AGPAT5: variants seen among roughly 807,000 people sequenced by gnomAD.
The protein encoded by AGPAT5 is 1-acylglycerol-3-phosphate O-acyltransferase 5.
In AGPAT5, 46 loss-of-function variants were observed where a neutral mutation model predicts 45.6. That is an observed-to-expected ratio of 1.01 (90% CI 0.80 to 1.29). The LOEUF is 1.29. Ranked by LOEUF, AGPAT5 falls within the 50% of genes most tolerant of loss-of-function variation. The pLI, the probability that AGPAT5 is intolerant of heterozygous loss-of-function variation, is 0.00. For synonymous variants in AGPAT5, 272 were observed against 167.0 expected, an observed-to-expected ratio of 1.63 and a Z score of -4.85; for missense variants, 673 against 450.7, an observed-to-expected ratio of 1.49 and a Z score of -4.47.
At chr8:6,712,352 C>T (rs915408103) in intron 1 of AGPAT5, among the ~76,000 whole-genome samples, 5 of 149,100 alleles carry the variant, frequency 3.4e-5, no homozygotes, top group Non-Finnish European at 7.4e-5. Flanking sequence ...TTATCTGATT[C>T]TGAAATTACC....
At chr8:6,738,177 C>A (rs1239542368) in intron 4 of AGPAT5, among the ~76,000 whole-genome samples, 1 of 151,996 alleles carries the variant, frequency 6.6e-6, no homozygotes, top group African/African-American at 2.4e-5. Context: ...CCTACCTTGG[C>A]TTTCAACATA....
rs547104120 is a variant in AGPAT5, at chr8:6,711,836, C to G, written c.219+2949C>G. 5.9e-5 allele frequency among the ~76,000 whole-genome samples: 9 copies of G among 152,324 alleles called. No homozygotes were observed. The South Asian group carries it at 1.9e-3, about 32-fold the overall frequency. ...TGCCTTACAGTCCTTGCTGCCACCT[C>G]TTCTGTCTCACATCTCACTCTCCCT... is the stretch of plus-strand genomic sequence containing the variant. On this transcript the variant is annotated intron_variant, in intron 1 of 7. Transcript: ENST00000285518.
chr8:6,741,340 G>C (rs1225535244), intron 4 of AGPAT5, among the ~76,000 whole-genome samples: 1 of 152,056 alleles, frequency 6.6e-6, no homozygotes, highest in Non-Finnish European at 1.5e-5. Flanking sequence ...AACTCATTGA[G>C]GCTTTGTATG....
intron 1 of AGPAT5, among the ~76,000 whole-genome samples, chr8:6,715,427 G>T (rs1317751224): frequency 6.6e-6 from 1 of 152,174 alleles, no homozygotes; most frequent in African/African-American, 2.4e-5. Context: ...GATTGAATGT[G>T]GAGGAAAAAG....
In AGPAT5 at chr8:6,715,413, T is replaced by C. The variant is rs555163764; in HGVS notation, c.219+6526T>C. Among the ~76,000 whole-genome samples, 9 of 152,266 alleles carry C rather than the reference T, an allele frequency of 5.9e-5. No individual in the cohort carries two copies. The South Asian group carries it at 1.9e-3, about 32-fold the overall frequency. ...TATTTTAGTGGTAGCTGATAGGGCT[T>C]TGTGATTGAATGTGGAGGAAAAAGA... On this transcript the variant is annotated intron_variant, in intron 1 of 7. Transcript: ENST00000285518.
At chr8:6,740,047 T>G (rs892553443) in intron 4 of AGPAT5, among the ~76,000 whole-genome samples, 1 of 152,164 alleles carries the variant, frequency 6.6e-6, no homozygotes, top group Non-Finnish European at 1.5e-5. Flanking sequence ...GTTGTTATCC[T>G]TTGTGCAGTT....
At position 6,737,870 on chromosome 8, in the gene AGPAT5, C is replaced by T. The variant is rs369312806; in HGVS notation, c.496-3791C>T. 1.5e-4 allele frequency among the ~76,000 whole-genome samples: 23 copies of T among 152,338 alleles called. No individual in the cohort carries two copies. The South Asian group carries it at 4.6e-3, about 30-fold the overall frequency. On this transcript the variant is annotated intron_variant, in intron 4 of 7. Coordinates refer to ENST00000285518, the MANE Select transcript of AGPAT5 (RefSeq NM_018361.5). ...AGAGACGGCTTCTTTCCTTAAACCT[C>T]ACGAACCAACCTCTGCTAGCTTCTA...
At chr8:6,742,206 C>T (rs1483685307) in intron 5 of AGPAT5, among the ~76,000 whole-genome samples, 6 of 152,000 alleles carry the variant, frequency 3.9e-5, no homozygotes, top group Non-Finnish European at 8.8e-5. Context: ...AGAACATATG[C>T]CTTATAAGTA....
chr8:6,738,125 A>C (rs957619573), intron 4 of AGPAT5, among the ~76,000 whole-genome samples: 3 of 152,218 alleles, frequency 2.0e-5, no homozygotes, highest in Non-Finnish European at 4.4e-5. Context: ...TTTCCTTTGC[A>C]TCCGCAACTT....
In AGPAT5 at chr8:6,760,313, G is replaced by A. The variant is rs756706996; in HGVS notation, c.*2925G>A. Among the ~76,000 whole-genome samples, 24 of 152,184 alleles carry A rather than the reference G, an allele frequency of 1.6e-4. No homozygotes were observed. Among genetic ancestry groups the A allele is most frequent in the African/African-American group, 4.1e-4 (17 of 41,518 alleles). The stretch of plus-strand genomic sequence containing the variant: ...CTCGGGAGGGTGAGGTGGGAGGATC[G>A]CTTCAGCCCAGGAGGTTGAGATTGC... On this transcript the variant is annotated 3_prime_UTR_variant, in exon 8 of 8. Coordinates refer to ENST00000285518, the MANE Select transcript of AGPAT5 (RefSeq NM_018361.5).
intron 1 of AGPAT5, among the ~76,000 whole-genome samples, chr8:6,714,744 T>TC (rs1800264677): frequency 6.6e-6 from 1 of 152,184 alleles, no homozygotes; most frequent in Non-Finnish European, 1.5e-5. Flanking sequence ...AATGAACTTC[T>TC]TACAGATCAG....
intron 1 of AGPAT5, among the ~76,000 whole-genome samples, chr8:6,709,883 G>GT (rs1800092052): frequency 6.6e-6 from 1 of 152,120 alleles, no homozygotes; most frequent in Non-Finnish European, 1.5e-5. Flanking sequence ...ACCAGTGTCT[G>GT]TAAGTGTCTC....
chr8:6,719,960 G>T (rs1340235995), intron 1 of AGPAT5, among the ~76,000 whole-genome samples: 3 of 152,204 alleles, frequency 2.0e-5, no homozygotes, highest in Non-Finnish European at 4.4e-5. Flanking sequence ...TTGAAGAGAA[G>T]ACCAAGTTGT....
At chr8:6,720,368 A>T (rs542284578) in intron 1 of AGPAT5, among the ~76,000 whole-genome samples, 2 of 152,374 alleles carry the variant, frequency 1.3e-5, no homozygotes, top group East Asian at 1.9e-4. Flanking sequence ...TTTTAAAGGT[A>T]ATGAAAACTA....
rs1801532230 is a variant in AGPAT5 at position 6,747,970 on chromosome 8, A to C, written c.745+142A>C. 3.3e-6 allele frequency: 3 copies of C among 915,058 alleles called. No homozygotes were observed. In the East Asian group the frequency reaches 8.2e-5, roughly 25 times the overall value. The allele number at this position is 915,058 out of a possible 1,614,324, so 56.7% of individuals were successfully genotyped here. A position where few individuals can be genotyped will look rare whatever the true frequency, so the allele number is the denominator to read the frequency against. The stretch of plus-strand genomic sequence containing the variant: ...CCGGTATATTTTTCAAGATGTTATT[A>C]AGATGTAACAGTGGAGATTTCATTA... On this transcript the variant is annotated intron_variant, in intron 6 of 7. Transcript: ENST00000285518.
At chr8:6,733,143 G>T (rs575338507) in intron 4 of AGPAT5, among the ~76,000 whole-genome samples, 9 of 152,330 alleles carry the variant, frequency 5.9e-5, no homozygotes, top group Admixed American at 5.9e-4. Flanking sequence ...TTCCACAAAA[G>T]TGGGGAGAGT....
chr8:6,741,502 T>C (rs1801244239), intron 4 of AGPAT5, among the ~76,000 whole-genome samples, 159 bp from the exon 5 acceptor site: 2 of 152,166 alleles, frequency 1.3e-5, no homozygotes. Context: ...TTGCATTTTG[T>C]TTGCCCCTCT....
At chr8:6,747,869 A>G (rs192510702) in intron 6 of AGPAT5, 41 bp downstream of exon 6, 1 of 1,577,528 alleles carries the variant, frequency 6.3e-7, no homozygotes, top group East Asian at 2.3e-5. Context: ...TACACGGTAT[A>G]TACAGTGCAC....
intron 4 of AGPAT5, among the ~76,000 whole-genome samples, chr8:6,737,582 C>T (rs1302492674): frequency 1.3e-5 from 2 of 152,120 alleles, no homozygotes; most frequent in Non-Finnish European, 2.9e-5. Context: ...ATAAAAATAA[C>T]TAATAGAAGT....
Sources: allele counts gnomAD v4.1 joint callset (sites outside exome capture counted in the v4.1 genomes callset), GRCh38; gene constraint gnomAD v4.1.1; transcripts MANE v1.5; gene names NCBI Gene and HGNC (gene_info 2026-07-23, HGNC 2026-07-21).